The following SAXO1 variants were observed in gnomAD, a reference collection of about 807,000 sequenced individuals.
SAXO1 encodes 4930500O09Rik.
Under a neutral mutation model 17.5 loss-of-function variants are expected in SAXO1, and 21 were observed. The observed-to-expected ratio is 1.20, with a 90% CI of 0.85 to 1.72. The LOEUF is 1.72. Among genes scored for constraint, SAXO1 ranks in the 40% most tolerant of loss-of-function variants. SAXO1 has a pLI of 0.00. For missense variants in SAXO1, 843 were observed against 596.0 expected (o/e 1.41, Z -4.32); for synonymous variants, 274 against 216.5 (o/e 1.27, Z -2.33).
intron 3 of SAXO1, 130 bp from the exon 4 acceptor site, chr9:18,929,185 C>T (rs1830926773): frequency 2.0e-6 from 2 of 1,017,892 alleles, no homozygotes; most frequent in East Asian, 2.6e-5. Context: ...GAACAGAGCA[C>T]ATCCCTGCTA....
At chr9:19,004,269 C>T (rs577975622) in intron 1 of SAXO1, among the ~76,000 whole-genome samples, 58 of 152,248 alleles carry the variant, frequency 3.8e-4, no homozygotes, top group Admixed American at 9.2e-4. Flanking sequence ...AATAGGAATG[C>T]TTTTACACTG....
At chr9:18,946,821 G>C (rs576918229) in intron 2 of SAXO1, among the ~76,000 whole-genome samples, 1 of 152,064 alleles carries the variant, frequency 6.6e-6, no homozygotes, top group Non-Finnish European at 1.5e-5. Context: ...TATAAAACAA[G>C]AATCAAATGC....
intron 1 of SAXO1, among the ~76,000 whole-genome samples, chr9:18,982,065 C>G (rs1833410152): frequency 6.6e-6 from 1 of 152,208 alleles, no homozygotes; most frequent in African/African-American, 2.4e-5. Context: ...ATGCTTCACT[C>G]TGTGTTCTCC....
intron 1 of SAXO1, among the ~76,000 whole-genome samples, chr9:19,023,734 T>C (rs915586759): frequency 2.0e-5 from 3 of 151,274 alleles, no homozygotes; most frequent in African/African-American, 4.9e-5. Context: ...CATTAACAGA[T>C]TTAAAGTCAG....
intron 1 of SAXO1, among the ~76,000 whole-genome samples, chr9:18,966,046 T>C (rs1832702521): frequency 6.6e-6 from 1 of 152,262 alleles, no homozygotes; most frequent in Non-Finnish European, 1.5e-5. Flanking sequence ...GAAAATTCTT[T>C]TCTTTAAGAA....
intron 1 of SAXO1, among the ~76,000 whole-genome samples, chr9:19,007,113 C>A (rs1229702161): frequency 6.6e-6 from 1 of 151,608 alleles, no homozygotes; most frequent in Admixed American, 6.6e-5. Flanking sequence ...CTTTGGGAGG[C>A]CGAGGCGGGT....
chr9:19,012,546 G>C lies in SAXO1; in HGVS notation c.38+20325C>G, dbSNP rs538222272. ...ATGGGGGACGGTGGGCACAGAGTTA[G>C]ATGGGCAACTCTAGCAAGGTACCTA... On this transcript the variant is annotated intron_variant, in intron 1 of 3. Coordinates refer to ENST00000380534, the MANE Select transcript of SAXO1 (RefSeq NM_153707.4). 2.6e-5 allele frequency among the ~76,000 whole-genome samples: 4 copies of C among 152,326 alleles called. No homozygotes were observed. In the East Asian group the frequency reaches 7.7e-4, roughly 29 times the overall value.
intron 3 of SAXO1, among the ~76,000 whole-genome samples, chr9:18,930,854 A>G (rs1014556532): frequency 2.0e-5 from 3 of 152,150 alleles, no homozygotes; most frequent in African/African-American, 2.4e-5. Context: ...AGGTTGCCCC[A>G]TCAGGCCCAT....
Position 18,928,074 on chromosome 9 carries a change from C to T in SAXO1, c.1403G>A (p.Arg468Lys). ...AAATCAGGCTAACACTTCCAACTCC[C>T]TCTGGTTGGGGTTTTCTGAATCATC... ...SVDDSENPNQ[R>K]ELEVLA Residue 468 changes from arginine (R) to lysine (K), a missense_variant, in exon 4 of 4, where the codon AGG becomes AAG. Transcript: ENST00000380534. 1.2e-6 allele frequency: 2 copies of T among 1,604,166 alleles called. No homozygotes were observed. Among genetic ancestry groups the T allele is most frequent in the Non-Finnish European group, 1.7e-6 (2 of 1,172,666 alleles).
At chr9:19,009,947 T>C (rs1325171137) in intron 1 of SAXO1, among the ~76,000 whole-genome samples, 3 of 151,942 alleles carry the variant, frequency 2.0e-5, no homozygotes, top group Non-Finnish European at 4.4e-5. Flanking sequence ...CCACCTCAGC[T>C]TCCCAGGTAC....
chr9:18,941,722 G>T lies in SAXO1; in HGVS notation c.336C>A (p.Tyr112Ter), dbSNP rs960701315. The change falls in exon 3 of 4, where the codon TAC becomes TAA. Residue 112 changes from tyrosine to a stop codon, truncating the protein, a stop_gained. Transcript: ENST00000380534. LOFTEE classifies it high-confidence loss of function. ...TGATGGGGTCCACTCGACAGACAGGGTAGGGATTGTAATCTTTCTTATACG... is the reference window on the plus strand; with the variant it reads ...TGATGGGGTCCACTCGACAGACAGGTTAGGGATTGTAATCTTTCTTATACG... ...LTTYKKDYNP[Y>*]PVCRVDPIKP... 6 of 1,613,846 alleles carry T rather than the reference G, an allele frequency of 3.7e-6. No individual in the cohort carries two copies. The highest frequency in any genetic ancestry group is 5.1e-6 in the Non-Finnish European group (6 of 1,180,026).
intron 1 of SAXO1, among the ~76,000 whole-genome samples, chr9:18,993,136 A>G (rs1265943292): frequency 6.6e-6 from 1 of 150,846 alleles, no homozygotes; most frequent in Non-Finnish European, 1.5e-5. Context: ...AAGTTCTGGG[A>G]TATATGTGCA....
chr9:19,041,877 G>C (rs1301085934), intron 1 of SAXO1, among the ~76,000 whole-genome samples: 3 of 152,060 alleles, frequency 2.0e-5, no homozygotes, highest in African/African-American at 4.8e-5. Context: ...CAGAACATTG[G>C]TCTGGACAAA....
intron 1 of SAXO1, among the ~76,000 whole-genome samples, chr9:18,983,604 A>G (rs1833481824): frequency 6.6e-6 from 1 of 152,176 alleles, no homozygotes; most frequent in Non-Finnish European, 1.5e-5. Flanking sequence ...TCATGCATTT[A>G]AGTTTTATCA....
intron 1 of SAXO1, among the ~76,000 whole-genome samples, chr9:19,024,606 TAA>T (rs989209256): frequency 7.4e-4 from 112 of 151,806 alleles, no homozygotes; most frequent in African/African-American, 2.4e-3. Context: ...TAATAAAATT[TAA>T]AAAAAAGTGG....
chr9:19,026,989 A>G, intron 1 of SAXO1: 1 of 905,816 alleles, frequency 1.1e-6, no homozygotes, highest in East Asian at 2.5e-5. Flanking sequence ...TGGCTTCTGG[A>G]CAGTGAGATC....
intron 1 of SAXO1, among the ~76,000 whole-genome samples, chr9:18,965,765 G>A (rs1023837060): frequency 6.6e-6 from 1 of 152,136 alleles, no homozygotes; most frequent in Non-Finnish European, 1.5e-5. Context: ...ATATTGTTAT[G>A]TGTGAATTTG....
chr9:19,045,343 A>T (rs1192554083), intron 1 of SAXO1, among the ~76,000 whole-genome samples: 1 of 147,238 alleles, frequency 6.8e-6, no homozygotes, highest in Non-Finnish European at 1.5e-5. Context: ...AAAAAAAAAA[A>T]AAAAAGATGC....
intron 1 of SAXO1, among the ~76,000 whole-genome samples, chr9:19,031,833 G>A (rs975878511): frequency 2.6e-5 from 4 of 152,114 alleles, no homozygotes; most frequent in African/African-American, 7.2e-5. Flanking sequence ...GCCAGAGTTG[G>A]GAACCATTTA....
Sources: gnomAD v4.1 joint callset for allele counts (sites outside exome capture counted in the v4.1 genomes callset) on GRCh38, gnomAD v4.1.1 for gene constraint, MANE v1.5 for transcripts, NCBI Gene and HGNC (gene_info 2026-07-23, HGNC 2026-07-21) for gene names.